The following ZFHX3 variants were observed in gnomAD, a reference collection of about 807,000 sequenced individuals.
ZFHX3 encodes the protein zinc finger homeobox protein 3.
A neutral mutation model predicts 279.1 loss-of-function variants in ZFHX3; 42 were observed. That is an observed-to-expected ratio of 0.15 (90% CI 0.12 to 0.19). ZFHX3 has a LOEUF of 0.19. ZFHX3 is among the 10% of genes least tolerant of loss of function. The pLI is 1.00. For missense variants in ZFHX3, 4,981 were observed against 4,754.0 expected (o/e 1.05, Z -1.40); for synonymous variants, 2,293 against 1,957.8 (o/e 1.17, Z -4.52).
intron 2 of ZFHX3, among the ~76,000 whole-genome samples, chr16:73,509,994 C>A (rs1461902348): frequency 6.6e-6 from 1 of 152,180 alleles, no homozygotes; most frequent in Non-Finnish European, 1.5e-5. Flanking sequence ...TCACGCCCGG[C>A]CTTTGCCTGT....
In ZFHX3 at chr16:72,793,108, C is replaced by A. The variant is rs994387139; in HGVS notation, c.9427+147G>T. ...CAGTACTTGGGAGACTCAACAGGAA[C>A]GAACTGAAGTCTTGTTGCTTTTAAA... is the stretch of plus-strand genomic sequence containing the variant. On this transcript the variant is annotated intron_variant, in intron 9 of 9. Transcript: ENST00000268489. This position sits in a 1 kb window ranked among gnomAD's most constrained non-coding sequence, Gnocchi z 4.3. 3 of 1,416,994 alleles carry A rather than the reference C, an allele frequency of 2.1e-6. No individual in the cohort carries two copies. Among genetic ancestry groups the A allele is most frequent in the Non-Finnish European group, 2.8e-6 (3 of 1,060,836 alleles). The allele number at this position is 1,416,994 out of a possible 1,614,324, so 87.8% of individuals were successfully genotyped here.
chr16:73,470,386 C>T (rs554148958), intron 2 of ZFHX3, among the ~76,000 whole-genome samples: 4 of 152,310 alleles, frequency 2.6e-5, no homozygotes, highest in South Asian at 2.1e-4. Flanking sequence ...TCTGCCTTCA[C>T]GTTTAGCGTG....
At chr16:72,888,841 T>G (rs1364283796) in intron 4 of ZFHX3, among the ~76,000 whole-genome samples, 1 of 152,176 alleles carries the variant, frequency 6.6e-6, no homozygotes, top group East Asian at 1.9e-4. Context: ...AGGTGAGCAG[T>G]TCACAGGGTT....
At chr16:73,151,651 TA>T (rs1966944771) in intron 5 of ZFHX3, among the ~76,000 whole-genome samples, 1 of 151,976 alleles carries the variant, frequency 6.6e-6, no homozygotes, top group Non-Finnish European at 1.5e-5. Context: ...GCCCGAGAAA[TA>T]AAAACACATT....
intron 3 of ZFHX3, among the ~76,000 whole-genome samples, chr16:72,929,186 C>T (rs540380049): frequency 1.3e-4 from 19 of 149,986 alleles, no homozygotes; most frequent in Admixed American, 4.0e-4. Flanking sequence ...TGCAGTGAGC[C>T]GAGATGGCGC....
chr16:73,200,352 C>T (rs1390679629), intron 5 of ZFHX3, among the ~76,000 whole-genome samples: 1 of 151,912 alleles, frequency 6.6e-6, no homozygotes, highest in African/African-American at 2.4e-5. Context: ...CCATAAAACC[C>T]CTTCATGAAT....
At chr16:73,184,220 T>G (rs1967863456) in intron 5 of ZFHX3, among the ~76,000 whole-genome samples, 1 of 152,152 alleles carries the variant, frequency 6.6e-6, no homozygotes, top group African/African-American at 2.4e-5. Flanking sequence ...GTGTCACCAG[T>G]GTTTCCTCCA....
rs760411014 is a variant in ZFHX3, at chr16:72,787,356, C to T, written c.10920G>A (p.Thr3640=). ...AGGTGCTGCATGAACTTGAGGTAAC[C>T]GTTGAAGATGAGGAGAGAGGAGGAA... ...PSFPPLSSSS[T]VTSSSCSTSG... is the part of the protein sequence containing the mutation. The change falls in exon 10 of 10, where the codon ACG becomes ACA. Residue 3640 remains threonine, a synonymous_variant. Coordinates refer to ENST00000268489, the MANE Select transcript of ZFHX3 (RefSeq NM_006885.4). 1.1e-5 allele frequency: 18 copies of T among 1,612,306 alleles called. No homozygotes were observed. The highest frequency in any genetic ancestry group is 3.3e-5 in the South Asian group (3 of 90,950).
At position 72,958,458 on chromosome 16, in the gene ZFHX3, C is replaced by T. The variant is rs1961375402; in HGVS notation, c.1688G>A (p.Gly563Asp). The change falls in exon 2 of 10, where the codon GGT (glycine) becomes GAT (aspartate). Residue 563 changes from glycine (G) to aspartate (D), a missense_variant. By Grantham distance (94) the Gly-to-Asp change is moderately conservative (BLOSUM62 -1). Transcript: ENST00000268489. ...GCTTAAACGATTCCTCCTGTTCGCA[C>T]CATCAAAGACAACAAAGGAAGAAGC... ...NSASSFVVFD[G>D]ANRRNRLSFN... 1 of 1,614,154 alleles carries T rather than the reference C, an allele frequency of 6.2e-7. No individual in the cohort carries two copies. The highest frequency in any genetic ancestry group is 8.5e-7 in the Non-Finnish European group (1 of 1,180,046).
At position 72,942,689 on chromosome 16, in the gene ZFHX3, G is replaced by A. The variant is rs76206989; in HGVS notation, c.3216+7780C>T. On this transcript the variant is annotated intron_variant, in intron 3 of 9. Coordinates refer to ENST00000268489, the MANE Select transcript of ZFHX3 (RefSeq NM_006885.4). ...GTCATGAAATTTATATGCTATTTAC[G>A]TAAGAACTTCAGGAAAGGGAATTTC... 1.0e-2 allele frequency among the ~76,000 whole-genome samples: 1,519 copies of A among 152,188 alleles called. 42 individuals are homozygous for A. The highest frequency in any genetic ancestry group is 0.039 in the East Asian group (202 of 5,166).
intron 3 of ZFHX3, among the ~76,000 whole-genome samples, chr16:72,919,003 A>G (rs1199276080): frequency 6.6e-6 from 1 of 150,958 alleles, no homozygotes; most frequent in Non-Finnish European, 1.5e-5. Flanking sequence ...GCCTGTTTAG[A>G]GGTATTTCTA....
At chr16:72,874,168 G>T (rs2038240119) in intron 4 of ZFHX3, among the ~76,000 whole-genome samples, 1 of 145,922 alleles carries the variant, frequency 6.9e-6, no homozygotes, top group Non-Finnish European at 1.5e-5. Flanking sequence ...TCACTTTCTT[G>T]TGCCTGGAGC....
At chr16:73,105,370 CATAT>C (rs60785275) in intron 7 of ZFHX3, among the ~76,000 whole-genome samples, 58,462 of 112,294 alleles carry the variant, frequency 0.52, 14,065 homozygotes, top group South Asian at 0.64. Flanking sequence ...TATATACACA[CATAT>C]ATATATATAC....
chr16:73,836,014 G>C (rs1195991024), intron 1 of ZFHX3, among the ~76,000 whole-genome samples: 1 of 152,298 alleles, frequency 6.6e-6, no homozygotes, highest in East Asian at 1.9e-4. Context: ...GCATGGAAAG[G>C]AAAATGGAGG....
chr16:73,671,947 A>G (rs2052908378), intron 2 of ZFHX3, among the ~76,000 whole-genome samples: 1 of 152,036 alleles, frequency 6.6e-6, no homozygotes, highest in African/African-American at 2.4e-5. Flanking sequence ...TAAATGGCCC[A>G]TTGAAGAGTG....
chr16:73,637,324 C>A (rs1465290700), intron 2 of ZFHX3, among the ~76,000 whole-genome samples: 2 of 151,446 alleles, frequency 1.3e-5, no homozygotes, highest in African/African-American at 2.4e-5. Flanking sequence ...CTCTGCCTCC[C>A]AGATTCAAGT....
chr16:73,084,258 G>T (rs901496035), intron 8 of ZFHX3, among the ~76,000 whole-genome samples: 2 of 152,124 alleles, frequency 1.3e-5, no homozygotes, highest in Non-Finnish European at 2.9e-5. Context: ...TTAGGCAAGA[G>T]AAAGAAATAA....
chr16:73,179,423 T>A (rs980995861), intron 5 of ZFHX3, among the ~76,000 whole-genome samples: 1 of 152,202 alleles, frequency 6.6e-6, no homozygotes, highest in Admixed American at 6.5e-5. Context: ...AAGGAGCTCA[T>A]GAACAGTTTT....
intron 2 of ZFHX3, among the ~76,000 whole-genome samples, chr16:73,503,608 G>T (rs2019275440): frequency 6.6e-6 from 1 of 152,100 alleles, no homozygotes; most frequent in South Asian, 2.1e-4. Flanking sequence ...AGTGTTTTTT[G>T]ATTTACCTGG....
Sources: gnomAD v4.1 joint callset for allele counts (sites outside exome capture counted in the v4.1 genomes callset) on GRCh38, gnomAD v4.1.1 for gene constraint, Gnocchi (gnomAD v3.1) non-coding constraint, MANE v1.5 for transcripts, NCBI Gene and HGNC (gene_info 2026-07-23, HGNC 2026-07-21) for gene names.